POLR3E: variants seen among roughly 807,000 people sequenced by gnomAD.
POLR3E encodes the protein RNA polymerase III subunit E.
A neutral mutation model predicts 96.6 loss-of-function variants in POLR3E; 41 were observed. The ratio of observed to expected loss-of-function variants is 0.42; its 90% CI spans 0.33 to 0.55. The LOEUF is 0.55. POLR3E is among the 20% of genes least tolerant of loss of function. The pLI is 0.06. For synonymous variants in POLR3E, 396 were observed against 383.6 expected (o/e 1.03, Z -0.38); for missense variants, 849 against 952.1 (o/e 0.89, Z 1.43).
intron 19 of POLR3E, chr16:22,331,291 A>C (rs934724956): frequency 1.3e-5 from 2 of 152,206 alleles, no homozygotes; most frequent in Admixed American, 1.3e-4. Flanking sequence ...AAGCATCTTT[A>C]AGAGAGTTTC....
Position 22,316,652 on chromosome 16 carries a change from G to T in POLR3E, c.694G>T (p.Gly232Trp), listed in dbSNP as rs776058208. The change falls in exon 10 of 21, where the codon GGG becomes TGG. Residue 232 changes from glycine to tryptophan, a missense_variant. By Grantham distance (184) the Gly-to-Trp change is radical. Transcript: ENST00000299853. ...RQYLLCPGSS[G>W]VENTELVKSP... is the part of the protein sequence containing the mutation. ...GTACCTGCTGTGCCCCGGCTCAAGC[G>T]GGGTGGAGAACACGGAGCTCGTCAA... The T allele has an allele frequency of 3.1e-6, 5 of 1,614,062 alleles. No homozygotes were observed. Among genetic ancestry groups the T allele is most frequent in the East Asian group, 2.2e-5 (1 of 44,888 alleles).
intron 3 of POLR3E, among the ~76,000 whole-genome samples, chr16:22,306,093 A>G (rs1275078758): frequency 1.3e-5 from 2 of 151,786 alleles, no homozygotes; most frequent in African/African-American, 4.8e-5. Flanking sequence ...CCAGGCAACC[A>G]TTCCCCTTAT....
At chr16:22,325,113 C>T (rs1485107212) in intron 16 of POLR3E, 92 bp from the exon 17 acceptor site, 3 of 963,786 alleles carry the variant, frequency 3.1e-6, no homozygotes, top group Non-Finnish European at 5.1e-6. Flanking sequence ...CAGTAACCAG[C>T]GTGTCCTGGG....
In POLR3E at chr16:22,322,852, A is replaced by G. The variant is rs1478958852; in HGVS notation, c.989A>G (p.Asp330Gly). 6.2e-7 allele frequency: 1 copy of G among 1,611,758 alleles called. No individual in the cohort carries two copies. Among genetic ancestry groups the G allele is most frequent in the Non-Finnish European group, 8.5e-7 (1 of 1,178,336 alleles). ...LVQGNWVVKS[D>G]ILYPKDSSSP... ...GCCATCCTCACCTGCATTGGCAGTG[A>G]CATCCTATACCCCAAGGACTCGTCC... Residue 330 changes from aspartate to glycine, a missense_variant and splice_region_variant, in exon 14 of 21, where the codon GAC (aspartate) becomes GGC (glycine). Physicochemically the swap from Asp to Gly is moderately conservative, Grantham distance 94 (BLOSUM62 -1). Transcript: ENST00000299853. This position sits in a 1 kb window ranked among gnomAD's most constrained non-coding sequence, Gnocchi z 5.2.
intron 18 of POLR3E, 78 bp from the exon 19 acceptor site, chr16:22,328,432 A>G: frequency 8.3e-7 from 1 of 1,203,566 alleles, no homozygotes; most frequent in Non-Finnish European, 1.2e-6. Context: ...GGGCTGGGGC[A>G]GACAGGGAGG....
chr16:22,301,808 C>G (rs1165309290), intron 1 of POLR3E, among the ~76,000 whole-genome samples: 2 of 151,398 alleles, frequency 1.3e-5, no homozygotes, highest in Non-Finnish European at 2.9e-5. Flanking sequence ...TGCCTGTAAT[C>G]CCAGCTACTT....
chr16:22,330,129 A>C (rs1267025079), intron 19 of POLR3E, among the ~76,000 whole-genome samples: 1 of 151,310 alleles, frequency 6.6e-6, no homozygotes, highest in Non-Finnish European at 1.5e-5. Context: ...CCTGGAGTGC[A>C]GTGGTGCCAT....
At chr16:22,325,467 T>G (rs1318627205) in intron 17 of POLR3E, 8 of 620,002 alleles carry the variant, frequency 1.3e-5, no homozygotes, top group Non-Finnish European at 2.3e-5. Context: ...GACGGAGGCT[T>G]GCGGATTCCA....
chr16:22,307,461 TGAG>T (rs1194065735), intron 3 of POLR3E, among the ~76,000 whole-genome samples: 1 of 152,194 alleles, frequency 6.6e-6, no homozygotes, highest in East Asian at 1.9e-4. Flanking sequence ...GCAGAGCTTT[TGAG>T]GAGGGGTCCA....
rs765997377 is a variant in POLR3E, at chr16:22,333,722, C to G, written c.*22C>G. 66 of 1,556,088 alleles carry G rather than the reference C, an allele frequency of 4.2e-5. No individual in the cohort carries two copies. Among genetic ancestry groups the G allele is most frequent in the Non-Finnish European group, 5.3e-5 (60 of 1,127,310 alleles). On this transcript the variant is annotated 3_prime_UTR_variant, in exon 21 of 21. Transcript: ENST00000299853. ...TTGACAATAGTAGCAAACTACTAAC[C>G]CAGCAAATCTAAGCCCAAGGAAGAA...
intron 1 of POLR3E, among the ~76,000 whole-genome samples, chr16:22,301,898 G>A (rs2048031784): frequency 1.3e-5 from 2 of 151,590 alleles, no homozygotes; most frequent in South Asian, 4.2e-4. Flanking sequence ...CTCCAGCCTG[G>A]GTGACAGAGC....
intron 8 of POLR3E, among the ~76,000 whole-genome samples, 170 bp downstream of exon 8, chr16:22,314,298 C>A (rs367914910): frequency 9.2e-5 from 14 of 152,130 alleles, no homozygotes; most frequent in African/African-American, 3.4e-4. Context: ...CAGCTATACA[C>A]AAGATGGAAG....
chr16:22,298,448 C>CTGCGGGGTT (rs2047943654), intron 1 of POLR3E, among the ~76,000 whole-genome samples: 2 of 152,290 alleles, frequency 1.3e-5, no homozygotes, highest in South Asian at 4.1e-4. Context: ...ACTCCTTCCC[C>CTGCGGGGTT]GCAGGGGTCT....
chr16:22,316,576 C>A (rs756881592), intron 9 of POLR3E, 25 bp from the exon 10 acceptor site: 8 of 1,598,564 alleles, frequency 5.0e-6, no homozygotes, highest in Middle Eastern at 3.3e-4. Flanking sequence ...TGAGGCTCCT[C>A]TCACACCCTG....
At position 22,305,143 on chromosome 16, in the gene POLR3E, C is replaced by T. The variant is rs372902291; in HGVS notation, c.37-13C>T. ...TCCAGTCTCCCGGTTAAGTCGTCTT[C>T]CCTTCTTCCCAGATCGATGTGTACT... On this transcript the variant is annotated splice_polypyrimidine_tract_variant and intron_variant, in intron 2 of 20. Coordinates refer to ENST00000299853, the MANE Select transcript of POLR3E (RefSeq NM_018119.4). The T allele has an allele frequency of 3.1e-6, 5 of 1,611,350 alleles. No homozygotes were observed. Among genetic ancestry groups the T allele is most frequent in the African/African-American group, 1.3e-5 (1 of 74,854 alleles).
intron 4 of POLR3E, chr16:22,308,496 T>C: frequency 1.4e-5 from 7 of 511,818 alleles, no homozygotes; most frequent in South Asian, 1.1e-4. Flanking sequence ...CGGGTGAACA[T>C]GGAGTAGGTT....
intron 13 of POLR3E, among the ~76,000 whole-genome samples, chr16:22,320,107 C>G (rs2048438985): frequency 1.3e-5 from 2 of 152,142 alleles, no homozygotes; most frequent in African/African-American, 2.4e-5. Context: ...TACCCCATTC[C>G]AATCTATTCA....
At chr16:22,302,826 G>A (rs968113683) in intron 1 of POLR3E, 105 bp from the exon 2 acceptor site, 4 of 771,426 alleles carry the variant, frequency 5.2e-6, no homozygotes, top group Non-Finnish European at 9.4e-6. Context: ...AGGTCAGTTG[G>A]TTGGTTGTGG....
chr16:22,313,114 G>A lies in POLR3E; in HGVS notation c.365-506G>A, dbSNP rs977522434. On this transcript the variant is annotated intron_variant, in intron 6 of 20. Transcript: ENST00000299853. This position sits in a 1 kb window ranked among gnomAD's most constrained non-coding sequence, Gnocchi z 4.1. ...AGAGGCCATGTGGACACTCCACCCA[G>A]TTCTAGCAGGGCCTCTTCTCCAGCC... Among the ~76,000 whole-genome samples, 16 of 152,104 alleles carry A rather than the reference G, an allele frequency of 1.1e-4. No homozygotes were observed. Among genetic ancestry groups the A allele is most frequent in the African/African-American group, 3.9e-4 (16 of 41,416 alleles).
Sources: gnomAD v4.1 joint callset for allele counts (sites outside exome capture counted in the v4.1 genomes callset) on GRCh38, gnomAD v4.1.1 for gene constraint, Gnocchi (gnomAD v3.1) non-coding constraint, MANE v1.5 for transcripts, NCBI Gene and HGNC (gene_info 2026-07-23, HGNC 2026-07-21) for gene names.